NIBAN2: variants seen among roughly 807,000 people sequenced by gnomAD.
The protein encoded by NIBAN2 is niban apoptosis regulator 2.
In NIBAN2, 36 loss-of-function variants were observed where a neutral mutation model predicts 81.8. The observed-to-expected ratio is 0.44, with a 90% CI of 0.34 to 0.58. NIBAN2 has a LOEUF of 0.58. NIBAN2 is among the 20% of genes least tolerant of loss of function. The probability of loss-of-function intolerance (pLI) is 0.02; values close to 1 mark genes in which losing one functional copy is unlikely to be tolerated. For synonymous variants in NIBAN2, 445 were observed against 441.6 expected (o/e 1.01, Z -0.10); for missense variants, 897 against 1,014.1 (o/e 0.88, Z 1.57).
chr9:127,568,759 G>T, intron 1 of NIBAN2, 61 bp downstream of exon 1: 1 of 1,224,000 alleles, frequency 8.2e-7, no homozygotes, highest in Non-Finnish European at 1.0e-6. Context: ...GGCCGGGGCG[G>T]GGGCGTGGTC....
chr9:127,560,072 C>T (rs964343425), intron 1 of NIBAN2, among the ~76,000 whole-genome samples: 3 of 152,192 alleles, frequency 2.0e-5, no homozygotes, highest in African/African-American at 7.2e-5. Flanking sequence ...CTCTGACTCC[C>T]GGCCTCTTTC....
upstream of NIBAN2, among the ~76,000 whole-genome samples, chr9:127,569,391 C>G (rs1837919183): frequency 6.6e-6 from 1 of 151,848 alleles, no homozygotes; most frequent in Admixed American, 6.6e-5. Context: ...CTGCGAAGAG[C>G]GCACCCGCCC....
At chr9:127,523,190 AAAATATAT>A (rs1836983917) in intron 5 of NIBAN2, among the ~76,000 whole-genome samples, 2 of 22,990 alleles carry the variant, frequency 8.7e-5, no homozygotes, top group Non-Finnish European at 1.4e-4. Context: ...AAAAAAAAAA[AAAATATAT>A]ATATATATAT....
chr9:127,536,292 T>C lies in NIBAN2; in HGVS notation c.56-4514A>G, dbSNP rs1323386728. Among the ~76,000 whole-genome samples, 1 of 152,150 alleles carries C rather than the reference T, an allele frequency of 6.6e-6. No individual in the cohort carries two copies. The highest frequency in any genetic ancestry group is 2.4e-5 in the African/African-American group (1 of 41,426). ...GAGGGGGCCAGCCTGGACAAAGGGC[T>C]TGCAGGGCCTTCCTGGCTGGACCCT... On this transcript the variant is annotated intron_variant, in intron 1 of 13. Transcript: ENST00000373312. This position sits in a 1 kb window ranked among gnomAD's most constrained non-coding sequence, Gnocchi z 4.0.
At chr9:127,558,676 C>T (rs1425617762) in intron 1 of NIBAN2, among the ~76,000 whole-genome samples, 1 of 152,136 alleles carries the variant, frequency 6.6e-6, no homozygotes, top group African/African-American at 2.4e-5. Context: ...AAACTCAGCT[C>T]TCTTTTCTAC....
Position 127,507,778 on chromosome 9 carries a change from C to G in NIBAN2, c.1654+89G>C. On this transcript the variant is annotated intron_variant, in intron 13 of 13. Coordinates refer to ENST00000373312, the MANE Select transcript of NIBAN2 (RefSeq NM_022833.4). The surrounding 1 kb of genome is among the most constrained non-coding windows in gnomAD (Gnocchi z 6.8). ...GTGCAAGTCTGGGCTTTTCTTTGAG[C>G]CTTAGCTGACCCCCTCAGCTGCCAC... 8.2e-7 allele frequency: 1 copy of G among 1,217,246 alleles called. No individual in the cohort carries two copies. Among genetic ancestry groups the G allele is most frequent in the South Asian group, 1.3e-5 (1 of 78,614 alleles). 75.4% of individuals were successfully genotyped at this position (1,217,246 alleles called of 1,614,324 possible). A position where few individuals can be genotyped will look rare whatever the true frequency, so the allele number is the denominator to read the frequency against.
chr9:127,531,408 TG>T (rs1163165203), intron 2 of NIBAN2, among the ~76,000 whole-genome samples: 1 of 150,944 alleles, frequency 6.6e-6, no homozygotes, highest in Non-Finnish European at 1.5e-5. Context: ...GCCTTGAACC[TG>T]GGAGGCGGAG....
chr9:127,539,307 C>T (rs908471889), intron 1 of NIBAN2, among the ~76,000 whole-genome samples: 1 of 152,104 alleles, frequency 6.6e-6, no homozygotes, highest in Non-Finnish European at 1.5e-5. Flanking sequence ...CACGAGGACC[C>T]GCAATGCCGC....
Position 127,517,062 on chromosome 9 carries a change from C to T in NIBAN2, c.811-43G>A, listed in dbSNP as rs376642056. ...GAATTGGCACCAGGGCTGAGGGCACCGCACCAGCTGCAGGTCCCGTCCCCG... is the reference window on the plus strand; with the variant it reads ...GAATTGGCACCAGGGCTGAGGGCACTGCACCAGCTGCAGGTCCCGTCCCCG... On this transcript the variant is annotated intron_variant, in intron 7 of 13. Coordinates refer to ENST00000373312, the MANE Select transcript of NIBAN2 (RefSeq NM_022833.4). The surrounding 1 kb of genome is among the most constrained non-coding windows in gnomAD (Gnocchi z 4.0). 1.4e-5 allele frequency: 22 copies of T among 1,610,382 alleles called. No homozygotes were observed. In the East Asian group the frequency reaches 2.2e-4, roughly 16 times the overall value.
intron 1 of NIBAN2, among the ~76,000 whole-genome samples, chr9:127,554,016 G>C (rs552486693): frequency 6.6e-6 from 1 of 152,062 alleles, no homozygotes; most frequent in East Asian, 1.9e-4. Flanking sequence ...CACTCATCAC[G>C]GAGAGAGACT....
chr9:127,558,190 T>C (rs1434451086), intron 1 of NIBAN2, among the ~76,000 whole-genome samples: 1 of 152,170 alleles, frequency 6.6e-6, no homozygotes, highest in Non-Finnish European at 1.5e-5. Flanking sequence ...CACAGGCCCA[T>C]CTGTGAGGCC....
intron 1 of NIBAN2, among the ~76,000 whole-genome samples, chr9:127,565,665 G>A (rs1191559120): frequency 6.6e-6 from 1 of 150,852 alleles, no homozygotes; most frequent in Non-Finnish European, 1.5e-5. Flanking sequence ...ATGGTGGTGT[G>A]TACCTGTAAC....
intron 5 of NIBAN2, among the ~76,000 whole-genome samples, chr9:127,519,174 CAAAAAAAAA>C (rs398046914): frequency 5.1e-5 from 2 of 39,290 alleles, no homozygotes; most frequent in Non-Finnish European, 1.2e-4. Flanking sequence ...GACTCTGTCT[CAAAAAAAAA>C]AAAAAAAAAA....
Position 127,508,871 on chromosome 9 carries a change from G to C in NIBAN2, c.1317+105C>G. Reference sequence around the variant, plus strand: ...GGAGGAGAGAGCGTGCCAGGCAAGCGTGGCTATGGCATGACGGGACGGAGC... The same window carrying C: ...GGAGGAGAGAGCGTGCCAGGCAAGCCTGGCTATGGCATGACGGGACGGAGC... On this transcript the variant is annotated intron_variant, in intron 10 of 13. Transcript: ENST00000373312. The surrounding 1 kb of genome is among the most constrained non-coding windows in gnomAD (Gnocchi z 6.4). The C allele has an allele frequency of 7.7e-7, 1 of 1,297,056 alleles. No homozygotes were observed. The highest frequency in any genetic ancestry group is 1.1e-6 in the Non-Finnish European group (1 of 907,624). 80.3% of individuals were successfully genotyped at this position (1,297,056 alleles called of 1,614,324 possible). A position where few individuals can be genotyped will look rare whatever the true frequency, so the allele number is the denominator to read the frequency against.
intron 1 of NIBAN2, among the ~76,000 whole-genome samples, chr9:127,549,448 C>T (rs570529642): frequency 1.8e-4 from 28 of 152,192 alleles, no homozygotes; most frequent in Non-Finnish European, 3.5e-4. Flanking sequence ...GGCACACACA[C>T]GCACATTCAC....
intron 1 of NIBAN2, among the ~76,000 whole-genome samples, chr9:127,556,302 G>A (rs1837668941): frequency 6.6e-6 from 1 of 151,888 alleles, no homozygotes; most frequent in Admixed American, 6.6e-5. Context: ...CAAGGGCAGG[G>A]GGTACGTCAC....
intron 1 of NIBAN2, among the ~76,000 whole-genome samples, chr9:127,543,593 C>T (rs1298071709): frequency 6.6e-6 from 1 of 152,210 alleles, no homozygotes; most frequent in East Asian, 1.9e-4. Context: ...AAGCATGTTA[C>T]ACAGAATCAC....
chr9:127,578,667 T>C (rs1004296865), intron 1 of NIBAN2, among the ~76,000 whole-genome samples: 2 of 137,936 alleles, frequency 1.4e-5, no homozygotes, highest in Non-Finnish European at 3.2e-5. Context: ...AAACTCCGCC[T>C]AAAAAAAAAA....
In NIBAN2 at chr9:127,517,147, C is replaced by T; in HGVS notation, c.775G>A (p.Gly259Arg). ...LKAELGPRLK[G>R]KPQERQRQWI... ...TGCCGCTGCCGCTCCTGCGGTTTCC[C>T]CTTCAGCCGCGGGCCGAGCTCTGCC... The change falls in exon 7 of 14, where the codon GGG (glycine) becomes AGG (arginine). Residue 259 changes from glycine (G) to arginine (R), a missense_variant. Gly to Arg is a moderately radical substitution (Grantham distance 125). Around this residue, in one of 3 missense-constraint regions of NIBAN2, gnomAD observed 619 missense variants for 691.0 expected, o/e 0.90. Coordinates refer to ENST00000373312, the MANE Select transcript of NIBAN2 (RefSeq NM_022833.4). This position sits in a 1 kb window ranked among gnomAD's most constrained non-coding sequence, Gnocchi z 4.0. 1.9e-6 allele frequency: 3 copies of T among 1,614,052 alleles called. No homozygotes were observed. In the African/African-American group the frequency reaches 4.0e-5, roughly 22 times the overall value.
Sources: allele counts gnomAD v4.1 joint callset (sites outside exome capture counted in the v4.1 genomes callset), GRCh38; gene constraint gnomAD v4.1.1; regional missense constraint gnomAD v4.1.1; non-coding constraint Gnocchi (gnomAD v3.1); transcripts MANE v1.5; gene names NCBI Gene and HGNC (gene_info 2026-07-23, HGNC 2026-07-21).